PPFIA2: variants seen among roughly 807,000 people sequenced by gnomAD.
PPFIA2 encodes the protein PPFI scaffold protein A2.
PPFIA2 carries 46 observed loss-of-function variants against 175.5 expected under a neutral mutation model. That is an observed-to-expected ratio of 0.26 (90% CI 0.21 to 0.34). The LOEUF is 0.34. PPFIA2 is among the 10% of genes least tolerant of loss of function. PPFIA2 has a pLI of 1.00. For synonymous variants in PPFIA2, 568 were observed against 511.4 expected (o/e 1.11, Z -1.49); for missense variants, 1,179 against 1,506.1 (o/e 0.78, Z 3.60).
At chr12:81,512,889 C>T (rs2061966564) in intron 4 of PPFIA2, among the ~76,000 whole-genome samples, 1 of 151,910 alleles carries the variant, frequency 6.6e-6, no homozygotes, top group Admixed American at 6.6e-5. Flanking sequence ...CCTTTTTATG[C>T]CTGAGTAGTA....
chr12:81,705,176 G>A lies in PPFIA2; in HGVS notation c.250-28332C>T, dbSNP rs553950983. 4.8e-5 allele frequency among the ~76,000 whole-genome samples: 7 copies of A among 146,880 alleles called. No individual in the cohort carries two copies. In the South Asian group the frequency reaches 6.8e-4, roughly 14 times the overall value. ...ACAAAAATGAAAGATACGGCCGGGC[G>A]CAGTGGCTCACTCCTATAATCCCAG... On this transcript the variant is annotated intron_variant, in intron 3 of 32. Coordinates refer to ENST00000549396, the MANE Select transcript of PPFIA2 (RefSeq NM_003625.5).
At chr12:81,695,447 GAT>G (rs896336854) in intron 3 of PPFIA2, among the ~76,000 whole-genome samples, 3 of 152,090 alleles carry the variant, frequency 2.0e-5, no homozygotes, top group African/African-American at 7.2e-5. Flanking sequence ...TTTGCCATGT[GAT>G]ATGCCTGTTC....
At chr12:81,692,650 G>A (rs2075391273) in intron 3 of PPFIA2, among the ~76,000 whole-genome samples, 1 of 152,028 alleles carries the variant, frequency 6.6e-6, no homozygotes, top group East Asian at 1.9e-4. Context: ...ATTACACTTC[G>A]AAAAGCAAAG....
chr12:81,530,848 T>C (rs578066278), intron 4 of PPFIA2, among the ~76,000 whole-genome samples: 3 of 152,072 alleles, frequency 2.0e-5, no homozygotes, highest in African/African-American at 7.2e-5. Context: ...CATTCTGTCC[T>C]TATTAGAGAT....
rs1049777434 is a variant in PPFIA2 at position 81,258,107 on chromosome 12, A to C, written c.*1587T>G. 2 of 152,048 alleles carry C rather than the reference A, an allele frequency of 1.3e-5. No homozygotes were observed. The highest frequency in any genetic ancestry group is 4.8e-5 in the African/African-American group (2 of 41,414). 9.4% of individuals were successfully genotyped at this position (152,048 alleles called of 1,614,324 possible). On this transcript the variant is annotated 3_prime_UTR_variant, in exon 33 of 33. Coordinates refer to ENST00000549396, the MANE Select transcript of PPFIA2 (RefSeq NM_003625.5). ...TACTCAGGCCACATTTTTAGAAAAA[A>C]ATTTTAAGATCACTCCCATAAGCAA...
chr12:81,283,156 A>G, intron 25 of PPFIA2, 117 bp from the exon 26 acceptor site: 1 of 969,552 alleles, frequency 1.0e-6, no homozygotes, highest in Non-Finnish European at 1.6e-6. Flanking sequence ...TTTGTATAAC[A>G]GGTAGAATAA....
chr12:81,582,154 A>G (rs894911557), intron 4 of PPFIA2, among the ~76,000 whole-genome samples: 1 of 151,844 alleles, frequency 6.6e-6, no homozygotes, highest in Non-Finnish European at 1.5e-5. Context: ...TTTATATCCA[A>G]TTGAAACATC....
intron 3 of PPFIA2, 92 bp downstream of exon 3, chr12:81,753,881 A>T: frequency 6.9e-7 from 1 of 1,455,400 alleles, no homozygotes; most frequent in Non-Finnish European, 9.3e-7. Flanking sequence ...CACATATGTT[A>T]AGTGGAAAAG....
intron 3 of PPFIA2, among the ~76,000 whole-genome samples, chr12:81,704,839 T>G (rs757624806): frequency 8.6e-5 from 13 of 151,688 alleles, no homozygotes; most frequent in Non-Finnish European, 1.6e-4. Flanking sequence ...ATCCCAGCAC[T>G]TTGGGAGGCC....
intron 4 of PPFIA2, among the ~76,000 whole-genome samples, chr12:81,525,319 C>A (rs2063610836): frequency 6.6e-6 from 1 of 152,056 alleles, no homozygotes; most frequent in Admixed American, 6.6e-5. Context: ...GATTTTTGCA[C>A]ATGTAATGAA....
At chr12:81,706,908 C>T (rs939610230) in intron 3 of PPFIA2, among the ~76,000 whole-genome samples, 2 of 152,104 alleles carry the variant, frequency 1.3e-5, no homozygotes, top group East Asian at 1.9e-4. Flanking sequence ...TTGAGAAAAA[C>T]AAGCAATGGG....
chr12:81,284,293 T>C lies in PPFIA2; in HGVS notation c.2936A>G (p.Asn979Ser). ...CATTTCTTCATGAGTCACCCAAACG[T>C]TGCCTGAAGGCTAGTGAGGAGGCCC... is the stretch of plus-strand genomic sequence containing the variant. ...APPTSRTPSG[N>S]VWVTHEEMEN... The change falls in exon 25 of 33, where the codon AAC (asparagine) becomes AGC (serine). Residue 979 changes from asparagine to serine, a missense_variant. Transcript: ENST00000549396. The C allele has an allele frequency of 6.3e-7, 1 of 1,593,742 alleles. No individual in the cohort carries two copies. Among genetic ancestry groups the C allele is most frequent in the Non-Finnish European group, 8.6e-7 (1 of 1,164,922 alleles).
intron 7 of PPFIA2, among the ~76,000 whole-genome samples, chr12:81,425,836 T>G (rs2047045574): frequency 6.6e-6 from 1 of 152,236 alleles, no homozygotes; most frequent in African/African-American, 2.4e-5. Flanking sequence ...AATACCATTT[T>G]GGCTTTATCA....
At chr12:81,298,071 C>T (rs570595205) in intron 23 of PPFIA2, 6 of 152,092 alleles carry the variant, frequency 3.9e-5, no homozygotes, top group African/African-American at 1.2e-4. Flanking sequence ...AGGATTTGTT[C>T]GTCGCTTGCC....
At chr12:81,378,582 G>A (rs1438341874) in intron 9 of PPFIA2, among the ~76,000 whole-genome samples, 1 of 152,082 alleles carries the variant, frequency 6.6e-6, no homozygotes, top group East Asian at 1.9e-4. Flanking sequence ...TGATGGTAGA[G>A]TTTTTATCTT....
chr12:81,402,285 T>A (rs1390436292), intron 8 of PPFIA2, among the ~76,000 whole-genome samples: 5 of 152,194 alleles, frequency 3.3e-5, no homozygotes, highest in Non-Finnish European at 7.3e-5. Context: ...TCGTTGATAA[T>A]CTGCCAAAAT....
At chr12:81,669,885 C>A (rs1480974678) in intron 4 of PPFIA2, among the ~76,000 whole-genome samples, 1 of 151,986 alleles carries the variant, frequency 6.6e-6, no homozygotes, top group Non-Finnish European at 1.5e-5. Flanking sequence ...AGCTTTAAGG[C>A]TAAATGTAAC....
At chr12:81,696,064 T>C (rs1354957260) in intron 3 of PPFIA2, among the ~76,000 whole-genome samples, 1 of 152,170 alleles carries the variant, frequency 6.6e-6, no homozygotes. Context: ...GATGCCTGGA[T>C]TTGAATATTG....
intron 4 of PPFIA2, among the ~76,000 whole-genome samples, chr12:81,617,763 C>T (rs2061553188): frequency 6.6e-6 from 1 of 152,132 alleles, no homozygotes; most frequent in Non-Finnish European, 1.5e-5. Context: ...CATAAAAGAC[C>T]TATTAAGTAC....
Sources: allele counts gnomAD v4.1 joint callset (sites outside exome capture counted in the v4.1 genomes callset), GRCh38; gene constraint gnomAD v4.1.1; transcripts MANE v1.5; gene names NCBI Gene and HGNC (gene_info 2026-07-23, HGNC 2026-07-21).